Variants in SH3GL2 observed in about 807,000 individuals in gnomAD.
SH3GL2 encodes SH3 domain containing GRB2 like 2, endophilin A1, also known as endophilin-A1.
SH3GL2 carries 24 observed loss-of-function variants against 46.0 expected under a neutral mutation model. That is an observed-to-expected ratio of 0.52 (90% confidence interval 0.38 to 0.73). SH3GL2 has a LOEUF of 0.73. Ranked by LOEUF, SH3GL2 falls within the 30% of genes least tolerant of loss-of-function variation. The probability of loss-of-function intolerance (pLI) is 0.00; values close to 1 mark genes in which losing one functional copy is unlikely to be tolerated. For synonymous variants in SH3GL2, 196 were observed against 147.1 expected (o/e 1.33, Z -2.40); for missense variants, 413 against 424.2 (o/e 0.97, Z 0.23).
At chr9:17,751,252 A>T (rs56092828) in intron 2 of SH3GL2, among the ~76,000 whole-genome samples, 2 of 152,272 alleles carry the variant, frequency 1.3e-5, no homozygotes, top group Non-Finnish European at 2.9e-5. Context: ...GTAAGAGAGG[A>T]TTATTGGCAG....
chr9:17,699,314 G>A (rs963340707), intron 1 of SH3GL2, among the ~76,000 whole-genome samples: 2 of 152,084 alleles, frequency 1.3e-5, no homozygotes, highest in East Asian at 3.9e-4. Context: ...ATGAACTGTT[G>A]CATAGCATTC....
intron 2 of SH3GL2, among the ~76,000 whole-genome samples, chr9:17,750,016 G>C (rs1425567815): frequency 2.0e-5 from 3 of 152,100 alleles, no homozygotes; most frequent in Non-Finnish European, 4.4e-5. Context: ...TCAGTGCAGT[G>C]TGGCAATTGT....
intron 1 of SH3GL2, among the ~76,000 whole-genome samples, chr9:17,599,969 T>C (rs1452861469): frequency 1.3e-5 from 2 of 152,040 alleles, no homozygotes; most frequent in African/African-American, 2.4e-5. Flanking sequence ...TGAACAGTTA[T>C]TTTGCTTATG....
At chr9:17,583,247 G>C (rs959408689) in intron 1 of SH3GL2, among the ~76,000 whole-genome samples, 1 of 152,056 alleles carries the variant, frequency 6.6e-6, no homozygotes, top group Non-Finnish European at 1.5e-5. Flanking sequence ...TTAATGAGTT[G>C]GTTAGTATAT....
At chr9:17,584,145 C>T (rs962165055) in intron 1 of SH3GL2, among the ~76,000 whole-genome samples, 3 of 152,076 alleles carry the variant, frequency 2.0e-5, no homozygotes, top group African/African-American at 7.2e-5. Flanking sequence ...AGGGAGAATG[C>T]CCTTAGCCTG....
intron 3 of SH3GL2, among the ~76,000 whole-genome samples, chr9:17,779,870 G>A (rs1224830534): frequency 1.3e-5 from 2 of 152,098 alleles, no homozygotes; most frequent in Admixed American, 6.6e-5. Context: ...TGCAGTTGAA[G>A]TACTTACACA....
chr9:17,791,741 G>C (rs1168814770), intron 7 of SH3GL2, among the ~76,000 whole-genome samples: 2 of 152,212 alleles, frequency 1.3e-5, no homozygotes, highest in Non-Finnish European at 2.9e-5. Context: ...GAGAGGTGAA[G>C]TAACTAGCCC....
intron 6 of SH3GL2, 189 bp downstream of exon 6, chr9:17,789,739 A>C (rs542370440): frequency 1.5e-6 from 2 of 1,359,538 alleles, no homozygotes; most frequent in South Asian, 3.4e-5. Context: ...TTTCTTCTGC[A>C]TTCCTGTAGT....
chr9:17,608,288 C>T (rs1237120936), intron 1 of SH3GL2, among the ~76,000 whole-genome samples: 1 of 151,750 alleles, frequency 6.6e-6, no homozygotes, highest in South Asian at 2.1e-4. Flanking sequence ...TCTGGGACTA[C>T]AGGCGCCCAC....
chr9:17,691,649 C>G (rs557563316), intron 1 of SH3GL2, among the ~76,000 whole-genome samples: 1 of 152,206 alleles, frequency 6.6e-6, no homozygotes, highest in African/African-American at 2.4e-5. Context: ...TTGCTTTCTT[C>G]TAGCTCTCAA....
chr9:17,713,493 T>A lies in SH3GL2; in HGVS notation c.46-33573T>A, dbSNP rs1821681006. On this transcript the variant is annotated intron_variant, in intron 1 of 8. Transcript: ENST00000380607. The stretch of plus-strand genomic sequence containing the variant: ...TTTCAGTTTGTTAAGGTCATTCGTT[T>A]TGAGACTTTTATTCTTTTCTAACAC... Among the ~76,000 whole-genome samples the A allele has an allele frequency of 2.6e-5, 4 of 151,310 alleles. No homozygotes were observed. The South Asian group carries it at 8.3e-4, about 31-fold the overall frequency.
intron 2 of SH3GL2, among the ~76,000 whole-genome samples, chr9:17,753,175 G>A (rs1822896938): frequency 6.6e-6 from 1 of 152,180 alleles, no homozygotes; most frequent in African/African-American, 2.4e-5. Flanking sequence ...ACACATGTGT[G>A]CATGTGTCTT....
At chr9:17,672,019 C>T (rs1427285485) in intron 1 of SH3GL2, among the ~76,000 whole-genome samples, 1 of 152,110 alleles carries the variant, frequency 6.6e-6, no homozygotes, top group Non-Finnish European at 1.5e-5. Context: ...AGCAGTTACC[C>T]ACTGACTAAT....
At chr9:17,709,407 C>A (rs1821559440) in intron 1 of SH3GL2, among the ~76,000 whole-genome samples, 1 of 151,862 alleles carries the variant, frequency 6.6e-6, no homozygotes, top group Non-Finnish European at 1.5e-5. Flanking sequence ...AACCAAAGGG[C>A]TGATCCATAC....
chr9:17,693,469 AT>A, intron 1 of SH3GL2, among the ~76,000 whole-genome samples: 1 of 152,218 alleles, frequency 6.6e-6, no homozygotes, highest in Middle Eastern at 3.4e-3. Flanking sequence ...TTTTTGTTTT[AT>A]TTTGTTTACT....
intron 3 of SH3GL2, among the ~76,000 whole-genome samples, chr9:17,783,068 G>A (rs566692991): frequency 6.6e-6 from 1 of 152,244 alleles, no homozygotes; most frequent in East Asian, 1.9e-4. Flanking sequence ...CTGGAAGGAG[G>A]AAAGAAAGAA....
intron 1 of SH3GL2, among the ~76,000 whole-genome samples, chr9:17,733,516 T>C (rs1440167299): frequency 2.6e-5 from 4 of 151,146 alleles, no homozygotes; most frequent in South Asian, 2.1e-4. Flanking sequence ...TTTTACACTG[T>C]TGGTGGGACT....
At chr9:17,793,036 C>T (rs1158493624) in intron 7 of SH3GL2, among the ~76,000 whole-genome samples, 2 of 152,138 alleles carry the variant, frequency 1.3e-5, no homozygotes, top group Non-Finnish European at 2.9e-5. Context: ...AGCATTTATC[C>T]TTTGTGTACA....
chr9:17,640,449 T>C (rs944160688), intron 1 of SH3GL2, among the ~76,000 whole-genome samples: 1 of 152,012 alleles, frequency 6.6e-6, no homozygotes, highest in African/African-American at 2.4e-5. Flanking sequence ...TGGACAGGTT[T>C]ATGGGACACA....
Sources: allele counts gnomAD v4.1 joint callset (sites outside exome capture counted in the v4.1 genomes callset), GRCh38; gene constraint gnomAD v4.1.1; transcripts MANE v1.5; gene names NCBI Gene and HGNC (gene_info 2026-07-23, HGNC 2026-07-21).